SPTBN1: variants seen among roughly 807,000 people sequenced by gnomAD.
SPTBN1 encodes the protein spectrin beta chain, non-erythrocytic 1.
In SPTBN1, 32 loss-of-function variants were observed where a neutral mutation model predicts 266.4. That is an observed-to-expected ratio of 0.12 (90% CI 0.09 to 0.16). The LOEUF is 0.16. SPTBN1 is among the 10% of genes least tolerant of loss of function. The probability of loss-of-function intolerance (pLI) is 1.00; values close to 1 mark genes in which losing one functional copy is unlikely to be tolerated. For missense variants in SPTBN1, 2,296 were observed against 3,067.1 expected (o/e 0.75, Z 5.94); for synonymous variants, 1,336 against 1,162.2 (o/e 1.15, Z -3.04).
intron 1 of SPTBN1, among the ~76,000 whole-genome samples, chr2:54,482,971 C>G (rs1240733677): frequency 6.6e-6 from 1 of 152,272 alleles, no homozygotes; most frequent in East Asian, 1.9e-4. Context: ...ACAGAAAGGC[C>G]CCGTTTAAAG....
chr2:54,477,013 C>G (rs1220412522), intron 1 of SPTBN1, among the ~76,000 whole-genome samples: 1 of 94,568 alleles, frequency 1.1e-5, no homozygotes, highest in Admixed American at 1.0e-4. Context: ...CCAAACACAC[C>G]GAGTTTTTTT....
intron 1 of SPTBN1, among the ~76,000 whole-genome samples, chr2:54,484,918 C>T (rs576540074): frequency 4.2e-4 from 64 of 151,838 alleles, no homozygotes; most frequent in South Asian, 1.5e-3. Context: ...AGTATGTCAG[C>T]GCTATAAAGA....
chr2:54,538,897 C>T (rs573933450), intron 2 of SPTBN1, among the ~76,000 whole-genome samples: 1 of 152,172 alleles, frequency 6.6e-6, no homozygotes, highest in Admixed American at 6.5e-5. Context: ...TCAGCCCTTC[C>T]CTGTGTTACA....
intron 3 of SPTBN1, among the ~76,000 whole-genome samples, chr2:54,604,710 G>A (rs1407550039): frequency 2.0e-5 from 3 of 152,174 alleles, no homozygotes; most frequent in African/African-American, 7.2e-5. Flanking sequence ...AGATGGGCCT[G>A]GGATGGAGAT....
chr2:54,486,094 G>A (rs1471364751), intron 1 of SPTBN1, among the ~76,000 whole-genome samples: 3 of 147,310 alleles, frequency 2.0e-5, no homozygotes. Context: ...CCGGGAGGGA[G>A]GTGGGGGGGT....
intron 1 of SPTBN1, among the ~76,000 whole-genome samples, chr2:54,511,006 TGTG>T (rs1212759726): frequency 6.6e-6 from 1 of 152,268 alleles, no homozygotes; most frequent in African/African-American, 2.4e-5. Flanking sequence ...TTCTGGAAAG[TGTG>T]GTGAGGTATC....
chr2:54,558,124 CCAG>C lies in SPTBN1; in HGVS notation c.148+31563_148+31565del, dbSNP rs1438543305. On this transcript the variant is annotated intron_variant, in intron 2 of 35. Transcript: ENST00000356805. The surrounding 1 kb of genome is among the most constrained non-coding windows in gnomAD (Gnocchi z 4.6). ...TGAGGCTCAACAAAAGATTGTAATT[CCAG>C]CAGCTCTGTTTGGGAAGGCACTACC... 4 of 985,276 alleles carry C rather than the reference CCAG, an allele frequency of 4.1e-6. No homozygotes were observed. The African/African-American group carries it at 7.0e-5, about 17-fold the overall frequency. The allele number at this position is 985,276 out of a possible 1,614,324, so 61.0% of individuals were successfully genotyped here. A position where few individuals can be genotyped will look rare whatever the true frequency, so the allele number is the denominator to read the frequency against.
At chr2:54,616,078 G>A in intron 4 of SPTBN1, 129 bp from the exon 5 acceptor site, 1 of 663,430 alleles carries the variant, frequency 1.5e-6, no homozygotes, top group Non-Finnish European at 2.4e-6. Context: ...TTCATTGACA[G>A]GGTAGATCGT....
intron 2 of SPTBN1, among the ~76,000 whole-genome samples, chr2:54,551,228 TC>T (rs1183226231): frequency 6.6e-6 from 1 of 152,200 alleles, no homozygotes; most frequent in Non-Finnish European, 1.5e-5. Context: ...TGTCAGCTGT[TC>T]CCCTCCATGT....
intron 1 of SPTBN1, among the ~76,000 whole-genome samples, chr2:54,487,382 G>A (rs1668455626): frequency 1.5e-5 from 2 of 134,868 alleles, no homozygotes; most frequent in South Asian, 2.4e-4. Flanking sequence ...GTACTTGTTT[G>A]CATTTACTAT....
intron 2 of SPTBN1, among the ~76,000 whole-genome samples, chr2:54,584,517 T>A (rs1675155612): frequency 6.6e-6 from 1 of 150,974 alleles, no homozygotes; most frequent in African/African-American, 2.4e-5. Context: ...ACACCTTCAG[T>A]AGGTGAAAGG....
intron 1 of SPTBN1, among the ~76,000 whole-genome samples, chr2:54,512,317 T>C (rs1047639585): frequency 6.6e-6 from 1 of 152,220 alleles, no homozygotes; most frequent in African/African-American, 2.4e-5. Context: ...ACTCATTTTG[T>C]TTATTTGAAA....
intron 2 of SPTBN1, among the ~76,000 whole-genome samples, chr2:54,574,592 T>C (rs1037030138): frequency 6.6e-6 from 1 of 152,210 alleles, no homozygotes; most frequent in African/African-American, 2.4e-5. Flanking sequence ...AGAAAGCCCA[T>C]CAGTTGCTGA....
chr2:54,581,755 A>G (rs991768081), intron 2 of SPTBN1, among the ~76,000 whole-genome samples: 2 of 152,106 alleles, frequency 1.3e-5, no homozygotes, highest in Middle Eastern at 3.2e-3. Flanking sequence ...CAGCTGCTGC[A>G]GGTCTCATTA....
chr2:54,532,204 G>A (rs986102674), intron 2 of SPTBN1, among the ~76,000 whole-genome samples: 1 of 152,090 alleles, frequency 6.6e-6, no homozygotes, highest in African/African-American at 2.4e-5. Context: ...CAGGAGAATC[G>A]GTTGAACCTG....
chr2:54,665,871 G>A (rs1315795497), intron 33 of SPTBN1, 44 bp from the exon 34 acceptor site: 2 of 1,577,320 alleles, frequency 1.3e-6, no homozygotes, highest in Non-Finnish European at 1.7e-6. Context: ...GGGGAATGTG[G>A]TAGAGCCTTT....
At chr2:54,479,285 A>G (rs898927116) in intron 1 of SPTBN1, among the ~76,000 whole-genome samples, 1 of 152,196 alleles carries the variant, frequency 6.6e-6, no homozygotes, top group Non-Finnish European at 1.5e-5. Context: ...CTCCCCCCCA[A>G]GTTGGTTTGT....
In SPTBN1 at chr2:54,595,414, A is replaced by G. The variant is rs542087097; in HGVS notation, c.149-3678A>G. 3.9e-5 allele frequency among the ~76,000 whole-genome samples: 6 copies of G among 152,292 alleles called. No homozygotes were observed. The South Asian group carries it at 1.2e-3, about 32-fold the overall frequency. On this transcript the variant is annotated intron_variant, in intron 2 of 35. Coordinates refer to ENST00000356805, the MANE Select transcript of SPTBN1 (RefSeq NM_003128.3). The stretch of plus-strand genomic sequence containing the variant: ...AAGTTTGGGGCAGGGCTGGTTGGGA[A>G]CCTACTGAAAGGTTTAGCTGCGTCA...
chr2:54,659,924 C>T lies in SPTBN1; in HGVS notation c.6357-12C>T, dbSNP rs757997648. 2.0e-5 allele frequency: 32 copies of T among 1,612,604 alleles called. No individual in the cohort carries two copies. The highest frequency in any genetic ancestry group is 2.7e-5 in the Non-Finnish European group (32 of 1,179,014). On this transcript the variant is annotated splice_polypyrimidine_tract_variant and intron_variant, in intron 31 of 35. Transcript: ENST00000356805. ...TCCTTTCCCTTCCTCCTTTTCCCCTCTTCCCTAACAGGGATACTTCAAAAG... is the reference window on the plus strand; with the variant it reads ...TCCTTTCCCTTCCTCCTTTTCCCCTTTTCCCTAACAGGGATACTTCAAAAG...
Sources: allele counts gnomAD v4.1 joint callset (sites outside exome capture counted in the v4.1 genomes callset), GRCh38; gene constraint gnomAD v4.1.1; non-coding constraint Gnocchi (gnomAD v3.1); transcripts MANE v1.5; gene names NCBI Gene and HGNC (gene_info 2026-07-23, HGNC 2026-07-21).